SLC16A10: variants seen among roughly 807,000 people sequenced by gnomAD.
The protein encoded by SLC16A10 is solute carrier family 16 member 10.
In SLC16A10, 27 loss-of-function variants were observed where a neutral mutation model predicts 40.0. The observed-to-expected ratio is 0.67, with a 90% CI of 0.50 to 0.93. The LOEUF is 0.93. Ranked by LOEUF, SLC16A10 falls within the 40% of genes least tolerant of loss-of-function variation. SLC16A10 has a pLI of 0.00. For missense variants in SLC16A10, 529 were observed against 658.2 expected (o/e 0.80, Z 2.15); for synonymous variants, 213 against 249.8 (o/e 0.85, Z 1.39).
intron 1 of SLC16A10, among the ~76,000 whole-genome samples, chr6:111,102,663 G>T (rs1405433065): frequency 6.6e-6 from 1 of 152,080 alleles, no homozygotes; most frequent in African/African-American, 2.4e-5. Context: ...GTTGATCAAG[G>T]TCTGTCTTAG....
intron 1 of SLC16A10, among the ~76,000 whole-genome samples, chr6:111,138,095 C>A (rs1439491358): frequency 1.3e-5 from 2 of 152,054 alleles, no homozygotes. Context: ...CAAACCAAAC[C>A]AAACAAACAA....
In SLC16A10 at chr6:111,098,559, A is replaced by G. The variant is rs555069674; in HGVS notation, c.343+10464A>G. Among the ~76,000 whole-genome samples, 268 of 152,344 alleles carry G rather than the reference A, an allele frequency of 1.8e-3. 2 individuals are homozygous for G. The highest frequency in any genetic ancestry group is 6.0e-3 in the African/African-American group (250 of 41,578). ...TTGAGATGTGTTTTAATATTACAAA[A>G]ATAGAAAACTACCTGTTCATTAAAT... is the stretch of plus-strand genomic sequence containing the variant. On this transcript the variant is annotated intron_variant, in intron 1 of 5. Coordinates refer to ENST00000368851, the MANE Select transcript of SLC16A10 (RefSeq NM_018593.5).
At chr6:111,131,946 C>T (rs1771790519) in intron 1 of SLC16A10, among the ~76,000 whole-genome samples, 1 of 152,222 alleles carries the variant, frequency 6.6e-6, no homozygotes, top group African/African-American at 2.4e-5. Context: ...TCTACTTCCT[C>T]CAATCCCTGC....
Position 111,229,412 on chromosome 6 carries a change from A to G in SLC16A10, c.*7177A>G, listed in dbSNP as rs1771066544. ...ATGAACACAACCTCCCAAGGTAATAATTTTAAAGAAAAAGTCCCTTGTCAA... is the reference window on the plus strand; with the variant it reads ...ATGAACACAACCTCCCAAGGTAATAGTTTTAAAGAAAAAGTCCCTTGTCAA... On this transcript the variant is annotated 3_prime_UTR_variant, in exon 6 of 6. Coordinates refer to ENST00000368851, the MANE Select transcript of SLC16A10 (RefSeq NM_018593.5). 1 of 152,226 alleles carries G rather than the reference A, an allele frequency of 6.6e-6. No homozygotes were observed. The highest frequency in any genetic ancestry group is 1.5e-5 in the Non-Finnish European group (1 of 68,042). 9.4% of individuals were successfully genotyped at this position (152,226 alleles called of 1,614,324 possible). A position where few individuals can be genotyped will look rare whatever the true frequency, so the allele number is the denominator to read the frequency against.
At chr6:111,181,215 C>CAAA (rs78386837) in intron 3 of SLC16A10, among the ~76,000 whole-genome samples, 1 of 82,944 alleles carries the variant, frequency 1.2e-5, no homozygotes, top group Non-Finnish European at 2.5e-5. Flanking sequence ...AACTCCATCT[C>CAAA]AAAAAAAAAA....
chr6:111,218,754 C>A, intron 4 of SLC16A10, 60 bp from the exon 5 acceptor site: 1 of 1,377,270 alleles, frequency 7.3e-7, no homozygotes, highest in Non-Finnish European at 1.0e-6. Context: ...AAGCATGTTG[C>A]ATGGTAATTG....
At chr6:111,219,530 A>AG (rs1438688037) in intron 5 of SLC16A10, among the ~76,000 whole-genome samples, 1 of 151,950 alleles carries the variant, frequency 6.6e-6, no homozygotes, top group East Asian at 1.9e-4. Flanking sequence ...TAAAAAAAAA[A>AG]AAAGTTGAAG....
At chr6:111,128,615 G>A (rs904353050) in intron 1 of SLC16A10, among the ~76,000 whole-genome samples, 2 of 152,132 alleles carry the variant, frequency 1.3e-5, no homozygotes, top group African/African-American at 2.4e-5. Flanking sequence ...TGTGCCACTC[G>A]AAGTCGGATG....
chr6:111,219,585 T>C (rs545785566), intron 5 of SLC16A10, among the ~76,000 whole-genome samples: 2 of 151,308 alleles, frequency 1.3e-5, no homozygotes, highest in East Asian at 3.9e-4. Context: ...TAAGAGATCA[T>C]ACATCCCCCT....
chr6:111,108,426 T>A (rs1037210334), intron 1 of SLC16A10, among the ~76,000 whole-genome samples: 1 of 152,252 alleles, frequency 6.6e-6, no homozygotes, highest in African/African-American at 2.4e-5. Context: ...TAAAAAGGAC[T>A]GCATTGACAT....
At chr6:111,174,515 C>G (rs1772643668) in intron 2 of SLC16A10, among the ~76,000 whole-genome samples, 1 of 151,572 alleles carries the variant, frequency 6.6e-6, no homozygotes, top group Admixed American at 6.6e-5. Flanking sequence ...TTTAAAGTAC[C>G]TTTATGGGTT....
rs572826134 is a variant in SLC16A10, at chr6:111,226,395, A to C, written c.*4160A>C. ...TACATTTTCTGGTGAATGGTGTTAG[A>C]GTAAATTCCCAGAGTTTAGAGATAC... On this transcript the variant is annotated 3_prime_UTR_variant, in exon 6 of 6. Coordinates refer to ENST00000368851, the MANE Select transcript of SLC16A10 (RefSeq NM_018593.5). 1 of 152,344 alleles carries C rather than the reference A, an allele frequency of 6.6e-6. No homozygotes were observed. Among genetic ancestry groups the C allele is most frequent in the African/African-American group, 2.4e-5 (1 of 41,578 alleles). The allele number at this position is 152,344 out of a possible 1,614,324, so 9.4% of individuals were successfully genotyped here. A position where few individuals can be genotyped will look rare whatever the true frequency, so the allele number is the denominator to read the frequency against.
chr6:111,117,189 A>G (rs929570225), intron 1 of SLC16A10, among the ~76,000 whole-genome samples: 1 of 151,834 alleles, frequency 6.6e-6, no homozygotes, highest in African/African-American at 2.4e-5. Context: ...TCTCTACTAG[A>G]AATACAAAAA....
intron 2 of SLC16A10, among the ~76,000 whole-genome samples, chr6:111,176,957 G>A (rs1372632022): frequency 6.6e-6 from 1 of 152,128 alleles, no homozygotes; most frequent in East Asian, 1.9e-4. Flanking sequence ...GAAAGAGGTG[G>A]CTGAACAAAA....
At chr6:111,109,928 T>G (rs2114456013) in intron 1 of SLC16A10, among the ~76,000 whole-genome samples, 1 of 152,320 alleles carries the variant, frequency 6.6e-6, no homozygotes, top group South Asian at 2.1e-4. Context: ...TTATTTGTAT[T>G]TTTAAATTTC....
chr6:111,106,718 A>T (rs1771290336), intron 1 of SLC16A10, among the ~76,000 whole-genome samples: 1 of 152,254 alleles, frequency 6.6e-6, no homozygotes, highest in Non-Finnish European at 1.5e-5. Context: ...AAGCTTAATG[A>T]TAAGTGAATA....
chr6:111,118,307 C>T (rs549312789), intron 1 of SLC16A10, among the ~76,000 whole-genome samples: 9 of 152,196 alleles, frequency 5.9e-5, no homozygotes, highest in East Asian at 1.9e-4. Context: ...AAGTATAACC[C>T]GCTCAATAAA....
intron 3 of SLC16A10, among the ~76,000 whole-genome samples, chr6:111,192,009 G>A (rs544076827): frequency 3.9e-5 from 6 of 152,152 alleles, no homozygotes; most frequent in East Asian, 1.9e-4. Context: ...GTGCAGAAGC[G>A]CTTTAGTTTA....
At chr6:111,153,399 G>T (rs893031820) in intron 1 of SLC16A10, among the ~76,000 whole-genome samples, 1 of 152,130 alleles carries the variant, frequency 6.6e-6, no homozygotes, top group African/African-American at 2.4e-5. Context: ...GCTGGGAGCA[G>T]TGGCACGTGC....
Sources: gnomAD v4.1 joint callset for allele counts (sites outside exome capture counted in the v4.1 genomes callset) on GRCh38, gnomAD v4.1.1 for gene constraint, MANE v1.5 for transcripts, NCBI Gene and HGNC (gene_info 2026-07-23, HGNC 2026-07-21) for gene names.